TRPM3: variants seen among roughly 807,000 people sequenced by gnomAD.
The protein encoded by TRPM3 is transient receptor potential cation channel subfamily M member 3, also known as long transient receptor potential channel 3.
A neutral mutation model predicts 181.2 loss-of-function variants in TRPM3; 77 were observed. That is an observed-to-expected ratio of 0.42 (90% CI 0.35 to 0.51). TRPM3 has a LOEUF of 0.51. Among genes scored for constraint, TRPM3 ranks in the 20% least tolerant of loss-of-function variants. TRPM3 has a pLI of 0.01. For missense variants in TRPM3, 1,759 were observed against 2,196.7 expected (o/e 0.80, Z 3.98); for synonymous variants, 745 against 796.4 (o/e 0.94, Z 1.09).
chr9:71,368,569 T>C (rs984594225), intron 1 of TRPM3, among the ~76,000 whole-genome samples: 1 of 116,240 alleles, frequency 8.6e-6, no homozygotes, highest in Non-Finnish European at 2.0e-5. Flanking sequence ...ACATAAAAAG[T>C]GATCTGAAAA....
intron 1 of TRPM3, among the ~76,000 whole-genome samples, chr9:71,207,328 T>A (rs2079184478): frequency 6.6e-6 from 1 of 152,140 alleles, no homozygotes; most frequent in African/African-American, 2.4e-5. Flanking sequence ...TATGTTCAAT[T>A]TTTTCATAAA....
intron 1 of TRPM3, among the ~76,000 whole-genome samples, chr9:71,420,640 AG>A (rs1365109559): frequency 5.2e-5 from 7 of 135,522 alleles, no homozygotes; most frequent in Admixed American, 2.2e-4. Flanking sequence ...AAAGAAAAAG[AG>A]AGAGAAAGAG....
At chr9:70,968,660 C>G (rs1414395371) in intron 1 of TRPM3, among the ~76,000 whole-genome samples, 4 of 152,070 alleles carry the variant, frequency 2.6e-5, no homozygotes, top group African/African-American at 9.7e-5. Flanking sequence ...AGAAAATGAA[C>G]ATTGTGGGAT....
chr9:70,988,370 A>T (rs1047836561), intron 1 of TRPM3, among the ~76,000 whole-genome samples: 1 of 152,150 alleles, frequency 6.6e-6, no homozygotes, highest in African/African-American at 2.4e-5. Flanking sequence ...TCATTGTCTC[A>T]CCTGTAAAAT....
At chr9:71,095,107 C>T (rs944827666) in intron 1 of TRPM3, among the ~76,000 whole-genome samples, 2 of 152,098 alleles carry the variant, frequency 1.3e-5, no homozygotes, top group African/African-American at 4.8e-5. Context: ...TGGGAAATGC[C>T]TTCGTTTTTA....
At chr9:71,069,874 C>T (rs2062497028) in intron 1 of TRPM3, among the ~76,000 whole-genome samples, 1 of 152,114 alleles carries the variant, frequency 6.6e-6, no homozygotes, top group Non-Finnish European at 1.5e-5. Context: ...TCCCAAAGTG[C>T]TGGGACTACA....
intron 19 of TRPM3, among the ~76,000 whole-genome samples, chr9:70,608,050 A>C (rs771911119): frequency 2.6e-5 from 4 of 152,236 alleles, no homozygotes; most frequent in African/African-American, 4.8e-5. Context: ...GGTCAATCAA[A>C]TGTAGCCAAC....
chr9:70,884,711 G>T (rs1192470076), intron 1 of TRPM3, among the ~76,000 whole-genome samples: 2 of 152,136 alleles, frequency 1.3e-5, no homozygotes, highest in African/African-American at 4.8e-5. Context: ...GAGCTAGAGG[G>T]CATGTATTCT....
chr9:71,253,455 T>C (rs1157135806), intron 1 of TRPM3, among the ~76,000 whole-genome samples: 3 of 152,170 alleles, frequency 2.0e-5, no homozygotes, highest in Admixed American at 1.3e-4. Flanking sequence ...CTAACCATCA[T>C]AACACCACAC....
At chr9:71,209,376 AGAG>A (rs1240858338) in intron 1 of TRPM3, among the ~76,000 whole-genome samples, 1 of 21,382 alleles carries the variant, frequency 4.7e-5, no homozygotes, top group Non-Finnish European at 9.0e-5. Context: ...TGGGGGGAGA[AGAG>A]GGGGTAGGGA....
chr9:71,368,029 T>TATGAGTATGTGTACACACACAC lies in TRPM3; in HGVS notation c.183+78602_183+78623dup, dbSNP rs2092396114. On this transcript the variant is annotated intron_variant, in intron 1 of 24. Transcript: ENST00000357533. The stretch of plus-strand genomic sequence containing the variant: ...GTGAGTGTATGTGTACACACACACA[T>TATGAGTATGTGTACACACACAC]ATGAGTATGTGTACACACACACACA... Among the ~76,000 whole-genome samples, 4 of 152,096 alleles carry TATGAGTATGTGTACACACACAC rather than the reference T, an allele frequency of 2.6e-5. No individual in the cohort carries two copies. In the South Asian group the frequency reaches 6.2e-4, roughly 24 times the overall value.
At chr9:70,877,855 AAGC>A (rs1176396501) in intron 1 of TRPM3, among the ~76,000 whole-genome samples, 1 of 146,414 alleles carries the variant, frequency 6.8e-6, no homozygotes, top group Non-Finnish European at 1.5e-5. Context: ...TGGCTCTGGG[AAGC>A]TATATATAAC....
At chr9:71,227,662 C>T (rs1299413005) in intron 1 of TRPM3, among the ~76,000 whole-genome samples, 3 of 151,874 alleles carry the variant, frequency 2.0e-5, no homozygotes, top group Non-Finnish European at 4.4e-5. Context: ...GACATTAGAA[C>T]CAATACTGCA....
At chr9:71,110,486 A>G (rs752580857) in intron 1 of TRPM3, among the ~76,000 whole-genome samples, 5 of 152,184 alleles carry the variant, frequency 3.3e-5, no homozygotes, top group African/African-American at 7.2e-5. Context: ...CTTCGATGTA[A>G]TATGAATTGA....
intron 1 of TRPM3, among the ~76,000 whole-genome samples, chr9:71,306,790 C>T (rs2087376050): frequency 6.6e-6 from 1 of 152,156 alleles, no homozygotes; most frequent in Non-Finnish European, 1.5e-5. Flanking sequence ...AGGAGAATCG[C>T]TTGAACCTGG....
At chr9:71,024,322 C>T (rs766625752) in intron 1 of TRPM3, among the ~76,000 whole-genome samples, 3 of 152,084 alleles carry the variant, frequency 2.0e-5, no homozygotes, top group South Asian at 4.2e-4. Flanking sequence ...GAGTCACTAT[C>T]AGGATCTGGA....
intron 1 of TRPM3, among the ~76,000 whole-genome samples, chr9:71,403,909 C>G (rs1312925874): frequency 6.6e-6 from 1 of 152,088 alleles, no homozygotes; most frequent in Non-Finnish European, 1.5e-5. Context: ...AGGATGTGGA[C>G]AAGTTGGTGC....
intron 8 of TRPM3, among the ~76,000 whole-genome samples, chr9:70,690,642 A>G (rs1459327219): frequency 6.6e-6 from 1 of 152,168 alleles, no homozygotes; most frequent in Admixed American, 6.5e-5. Context: ...AGCTTAGCAT[A>G]ATGTTTCCTG....
At chr9:70,934,872 C>CA (rs145311784) in intron 1 of TRPM3, among the ~76,000 whole-genome samples, 11 of 151,408 alleles carry the variant, frequency 7.3e-5, no homozygotes, top group African/African-American at 1.9e-4. Context: ...CTCCTCCCCC[C>CA]AAAAAAAATA....
Sources: gnomAD v4.1 joint callset for allele counts (sites outside exome capture counted in the v4.1 genomes callset) on GRCh38, gnomAD v4.1.1 for gene constraint, MANE v1.5 for transcripts, NCBI Gene and HGNC (gene_info 2026-07-23, HGNC 2026-07-21) for gene names.